Variants in GNG2 observed in about 807,000 individuals in gnomAD.
The protein encoded by GNG2 is G protein subunit gamma 2, also known as guanine nucleotide-binding protein G(I)/G(S)/G(O) subunit gamma-2.
A neutral mutation model predicts 5.5 loss-of-function variants in GNG2; 5 were observed. The ratio of observed to expected loss-of-function variants is 0.91; its 90% CI spans 0.48 to 1.92. The LOEUF is 1.92. GNG2 is among the 30% of genes most tolerant of loss of function. GNG2 has a pLI of 0.01. For missense variants in GNG2, 55 were observed against 88.4 expected (o/e 0.62, Z 1.52); for synonymous variants, 28 against 32.0 (o/e 0.88, Z 0.42).
intron 2 of GNG2, among the ~76,000 whole-genome samples, chr14:51,921,099 G>C (rs1050150483): frequency 2.0e-5 from 3 of 152,128 alleles, no homozygotes; most frequent in Admixed American, 6.6e-5. Context: ...GTCCTAAAAG[G>C]CTGTATTGTA....
intron 2 of GNG2, among the ~76,000 whole-genome samples, chr14:51,922,311 A>C (rs1887061499): frequency 6.6e-6 from 1 of 152,214 alleles, no homozygotes; most frequent in African/African-American, 2.4e-5. Context: ...TTTAGATAAA[A>C]GGAAAAGGAG....
chr14:51,876,682 A>T (rs2140132350), intron 1 of GNG2, among the ~76,000 whole-genome samples: 1 of 152,234 alleles, frequency 6.6e-6, no homozygotes, highest in South Asian at 2.1e-4. Context: ...ATTTAAAAAC[A>T]TATGGCCCCT....
chr14:51,924,208 G>A (rs1444916033), intron 2 of GNG2, among the ~76,000 whole-genome samples: 1 of 152,142 alleles, frequency 6.6e-6, no homozygotes, highest in African/African-American at 2.4e-5. Context: ...CTTGAGCCCG[G>A]TTTCTTAATC....
At chr14:51,867,007 T>G (rs75843679) in intron 1 of GNG2, among the ~76,000 whole-genome samples, 7 of 152,190 alleles carry the variant, frequency 4.6e-5, no homozygotes, top group Admixed American at 4.6e-4. Context: ...TTCCTACATA[T>G]TTAGTTTCTT....
chr14:51,838,213 G>A (rs1425591358), intron 2 of GNG2, among the ~76,000 whole-genome samples: 1 of 152,158 alleles, frequency 6.6e-6, no homozygotes, highest in African/African-American at 2.4e-5. Context: ...GGAGGCTGAG[G>A]TGGGCAGACC....
chr14:51,828,393 A>G (rs1881090655), intron 2 of GNG2, among the ~76,000 whole-genome samples: 1 of 152,212 alleles, frequency 6.6e-6, no homozygotes, highest in African/African-American at 2.4e-5. Context: ...ATCATAAAGG[A>G]AAGCAGGACC....
intron 3 of GNG2, among the ~76,000 whole-genome samples, chr14:51,960,473 T>C (rs1453454559): frequency 6.6e-6 from 1 of 152,178 alleles, no homozygotes; most frequent in East Asian, 1.9e-4. Context: ...ATTGTATTTT[T>C]CATCTCATTG....
At chr14:51,845,613 T>C (rs1881601232) in intron 2 of GNG2, among the ~76,000 whole-genome samples, 1 of 152,238 alleles carries the variant, frequency 6.6e-6, no homozygotes, top group Non-Finnish European at 1.5e-5. Flanking sequence ...CAGTACTCAG[T>C]GGCCAAATAC....
intron 2 of GNG2, among the ~76,000 whole-genome samples, chr14:51,904,387 G>C (rs150501010): frequency 8.2e-4 from 125 of 152,336 alleles, no homozygotes; most frequent in African/African-American, 3.0e-3. Flanking sequence ...TAGGAAGAGA[G>C]AGAAAGGAGG....
intron 2 of GNG2, among the ~76,000 whole-genome samples, chr14:51,909,869 T>G (rs1886190627): frequency 6.6e-6 from 1 of 152,226 alleles, no homozygotes; most frequent in Non-Finnish European, 1.5e-5. Context: ...CATTCCTTTC[T>G]GAAAATCCCA....
intron 1 of GNG2, among the ~76,000 whole-genome samples, chr14:51,868,106 A>AAT (rs1883036527): frequency 2.0e-5 from 3 of 152,200 alleles, no homozygotes; most frequent in Admixed American, 2.0e-4. Context: ...AAAACAGACA[A>AAT]ATACAGAAAT....
chr14:51,857,158 G>A (rs1882201591), upstream of GNG2, among the ~76,000 whole-genome samples: 1 of 152,192 alleles, frequency 6.6e-6, no homozygotes, highest in Non-Finnish European at 1.5e-5. Flanking sequence ...TGGAAGTAGA[G>A]GCAAGGCACC....
chr14:51,900,923 C>A (rs1038035144), intron 2 of GNG2, among the ~76,000 whole-genome samples: 1 of 152,166 alleles, frequency 6.6e-6, no homozygotes, highest in Non-Finnish European at 1.5e-5. Flanking sequence ...TCAGTCTATG[C>A]ATGCAAAGCT....
At chr14:51,900,573 A>G (rs1188219664) in intron 2 of GNG2, among the ~76,000 whole-genome samples, 1 of 149,368 alleles carries the variant, frequency 6.7e-6, no homozygotes, top group African/African-American at 2.5e-5. Flanking sequence ...ATCTAGTATG[A>G]CATTGAAGGG....
At chr14:51,837,943 ATAC>A (rs1208400200) in intron 2 of GNG2, among the ~76,000 whole-genome samples, 1 of 152,122 alleles carries the variant, frequency 6.6e-6, no homozygotes, top group Non-Finnish European at 1.5e-5. Flanking sequence ...GTTAACTTTT[ATAC>A]TGAGAGTTGT....
At position 51,838,273 on chromosome 14, in the gene GNG2, A is replaced by G. The variant is rs1001865583; in HGVS notation, c.64+10466A>G. On this transcript the variant is annotated intron_variant, in intron 2 of 3. Coordinates refer to the GNG2 transcript ENST00000553432. The stretch of plus-strand genomic sequence containing the variant: ...AGCCTGGCCAGCATGGTGAAACCCC[A>G]TCTCTACTAAAAATCCAAAAATTAG... Among the ~76,000 whole-genome samples the G allele has an allele frequency of 1.6e-4, 24 of 152,210 alleles. No individual in the cohort carries two copies. The East Asian group carries it at 3.5e-3, about 22-fold the overall frequency.
chr14:51,877,401 A>G (rs1026378310), intron 1 of GNG2, among the ~76,000 whole-genome samples: 5 of 152,156 alleles, frequency 3.3e-5, no homozygotes, highest in African/African-American at 1.2e-4. Context: ...AGGGACTCCA[A>G]TTTCACAAAT....
chr14:51,873,233 T>C (rs1352736907), intron 1 of GNG2, among the ~76,000 whole-genome samples: 1 of 152,234 alleles, frequency 6.6e-6, no homozygotes, highest in African/African-American at 2.4e-5. Flanking sequence ...AAACTTCAGA[T>C]GGATTTTATA....
chr14:51,896,237 C>T (rs940525448), intron 2 of GNG2, among the ~76,000 whole-genome samples: 2 of 152,104 alleles, frequency 1.3e-5, no homozygotes, highest in African/African-American at 2.4e-5. Context: ...TGATCTAAAA[C>T]GTAAAAGGAA....
Sources: gnomAD v4.1 joint callset for allele counts (sites outside exome capture counted in the v4.1 genomes callset) on GRCh38, gnomAD v4.1.1 for gene constraint, MANE v1.5 for transcripts, NCBI Gene and HGNC (gene_info 2026-07-23, HGNC 2026-07-21) for gene names.